NCKAP5: variants seen among roughly 807,000 people sequenced by gnomAD.
NCKAP5 encodes NCK associated protein 5.
In NCKAP5, 92 loss-of-function variants were observed where a neutral mutation model predicts 167.0. That is an observed-to-expected ratio of 0.55 (90% CI 0.47 to 0.66). The LOEUF (loss-of-function observed/expected upper bound fraction) is 0.66. Ranked by LOEUF, NCKAP5 falls within the 30% of genes least tolerant of loss-of-function variation. The pLI is 0.00. For synonymous variants in NCKAP5, 891 were observed against 877.4 expected, an observed-to-expected ratio of 1.02 and a Z score of -0.27; for missense variants, 2,378 against 2,315.0, an observed-to-expected ratio of 1.03 and a Z score of -0.56.
At position 132,782,580 on chromosome 2, in the gene NCKAP5, G is replaced by A. The variant is rs200882141; in HGVS notation, c.4231C>T (p.Arg1411Cys). ...GTTGGGGTGGGTGGGCAACTGCGGC[G>A]GTCACTGCCTGGTTCCCCAAGTACA... ...VAVLGEPGSDRRSCPPTPTDC... is the reference protein window; with the variant it reads ...VAVLGEPGSDCRSCPPTPTDC... The change falls in exon 14 of 20, where the codon CGC (arginine) becomes TGC (cysteine). Residue 1411 changes from arginine (R) to cysteine (C), a missense_variant. Physicochemically the swap from Arg to Cys is radical, Grantham distance 180 (BLOSUM62 -3). This residue lies in a region of NCKAP5 where 1,325 missense variants were observed against 1,274.5 expected (regional missense o/e 1.04). Coordinates refer to ENST00000409261, the MANE Select transcript of NCKAP5 (RefSeq NM_207363.3). 2.0e-5 allele frequency: 31 copies of A among 1,583,720 alleles called. 1 individual carries two copies. Among genetic ancestry groups the A allele is most frequent in the South Asian group, 8.3e-5 (7 of 84,696 alleles).
Position 132,979,972 on chromosome 2 carries a change from TTTTTTC to T in NCKAP5, c.429+14174_429+14179del, listed in dbSNP as rs777799671. Among the ~76,000 whole-genome samples, 512 of 151,452 alleles carry T rather than the reference TTTTTTC, an allele frequency of 3.4e-3. 2 individuals are homozygous for T. The highest frequency in any genetic ancestry group is 5.2e-3 in the Admixed American group (79 of 15,212). On this transcript the variant is annotated intron_variant, in intron 7 of 19. Coordinates refer to ENST00000409261, the MANE Select transcript of NCKAP5 (RefSeq NM_207363.3). ...CCAAGCCTTGCAGTACAATGATTTT[TTTTTTC>T]TTTTTCTTTTTCTTTTTCTTTTTTT...
At chr2:133,383,627 G>A (rs1686696520) in intron 3 of NCKAP5, among the ~76,000 whole-genome samples, 1 of 152,188 alleles carries the variant, frequency 6.6e-6, no homozygotes, top group African/African-American at 2.4e-5. Context: ...CTAGAACCCT[G>A]AGGAATTGCC....
intron 7 of NCKAP5, 86 bp from the exon 8 acceptor site, chr2:132,963,955 C>A: frequency 6.9e-7 from 1 of 1,445,332 alleles, no homozygotes; most frequent in South Asian, 1.2e-5. Flanking sequence ...GAATCATTCT[C>A]CTGCGTGTGC....
chr2:133,206,156 G>A (rs1238562962), intron 5 of NCKAP5, among the ~76,000 whole-genome samples: 2 of 152,148 alleles, frequency 1.3e-5, no homozygotes. Context: ...TCATCATTAA[G>A]TACAATGTTT....
At chr2:133,236,250 G>C (rs917070639) in intron 4 of NCKAP5, among the ~76,000 whole-genome samples, 2 of 152,000 alleles carry the variant, frequency 1.3e-5, no homozygotes, top group South Asian at 4.1e-4. Context: ...ACACCATAAG[G>C]TTATGCACTG....
chr2:132,822,008 A>G (rs1307656106), intron 11 of NCKAP5, among the ~76,000 whole-genome samples: 1 of 152,094 alleles, frequency 6.6e-6, no homozygotes, highest in Non-Finnish European at 1.5e-5. Context: ...AAAAACCAAA[A>G]TACTCTGGCC....
At chr2:132,963,573 A>G in intron 8 of NCKAP5, 147 bp downstream of exon 8, 1 of 860,144 alleles carries the variant, frequency 1.2e-6, no homozygotes, top group Non-Finnish European at 1.8e-6. Flanking sequence ...TGCTCATTGT[A>G]GACAAATCTC....
At chr2:133,244,204 A>T (rs898065884) in intron 4 of NCKAP5, among the ~76,000 whole-genome samples, 1 of 152,172 alleles carries the variant, frequency 6.6e-6, no homozygotes, top group Admixed American at 6.6e-5. Flanking sequence ...ATAAAGATGG[A>T]TATTCTTTGT....
At chr2:133,070,424 G>A (rs778511277) in intron 6 of NCKAP5, among the ~76,000 whole-genome samples, 4 of 152,106 alleles carry the variant, frequency 2.6e-5, no homozygotes, top group Admixed American at 6.6e-5. Context: ...CCCAGAAGGT[G>A]CCTGTGTGTC....
intron 5 of NCKAP5, among the ~76,000 whole-genome samples, chr2:133,149,695 C>T (rs964971529): frequency 5.3e-5 from 8 of 152,130 alleles, no homozygotes; most frequent in African/African-American, 1.9e-4. Context: ...CATTCATTAA[C>T]TATTTAGTAA....
At chr2:132,995,217 A>G (rs1052376831) in intron 6 of NCKAP5, among the ~76,000 whole-genome samples, 7 of 152,208 alleles carry the variant, frequency 4.6e-5, no homozygotes. Context: ...AGCTTACTAT[A>G]ATTTTTACTT....
intron 6 of NCKAP5, among the ~76,000 whole-genome samples, chr2:133,042,440 A>G (rs1001759012): frequency 4.6e-5 from 7 of 152,194 alleles, no homozygotes; most frequent in Admixed American, 2.0e-4. Flanking sequence ...TGTACTTCCA[A>G]AAGAAAGGTG....
At position 133,354,254 on chromosome 2, in the gene NCKAP5, C is replaced by CT. The variant is rs57923596; in HGVS notation, c.70-51145dup. 1.8e-3 allele frequency among the ~76,000 whole-genome samples: 264 copies of CT among 142,722 alleles called. 1 individual carries two copies. The highest frequency in any genetic ancestry group is 0.012 in the East Asian group (59 of 4,882). The allele number at this position is 142,722 out of a possible 152,430, so 93.6% of individuals were successfully genotyped here. Reference sequence around the variant, plus strand: ...TTCCTATCTCTGGTAGATTAGTTCTCTTTTTTTTTTTTCCTTTTTCTTTCC... The same window carrying CT: ...TTCCTATCTCTGGTAGATTAGTTCTCTTTTTTTTTTTTTCCTTTTTCTTTCC... On this transcript the variant is annotated intron_variant, in intron 3 of 19. Transcript: ENST00000409261.
At chr2:133,131,687 T>G (rs1477143604) in intron 5 of NCKAP5, among the ~76,000 whole-genome samples, 3 of 152,174 alleles carry the variant, frequency 2.0e-5, no homozygotes, top group Non-Finnish European at 4.4e-5. Flanking sequence ...AATCAAATCT[T>G]TATTCTGTCA....
At chr2:133,298,037 T>G (rs1363230969) in intron 4 of NCKAP5, among the ~76,000 whole-genome samples, 1 of 152,202 alleles carries the variant, frequency 6.6e-6, no homozygotes, top group Non-Finnish European at 1.5e-5. Context: ...CTTAAAAATT[T>G]AATCATAACC....
At chr2:132,775,720 G>T (rs973662904) in intron 15 of NCKAP5, among the ~76,000 whole-genome samples, 3 of 152,066 alleles carry the variant, frequency 2.0e-5, no homozygotes, top group African/African-American at 7.2e-5. Context: ...TGACCCAAAG[G>T]CCCCCAAACA....
chr2:133,513,446 G>T (rs138490835), intron 3 of NCKAP5, among the ~76,000 whole-genome samples: 1 of 152,328 alleles, frequency 6.6e-6, no homozygotes, highest in African/African-American at 2.4e-5. Context: ...ATGCCAAAAG[G>T]CAAGTCCATG....
intron 3 of NCKAP5, among the ~76,000 whole-genome samples, chr2:133,361,360 C>G (rs554114614): frequency 8.5e-5 from 13 of 152,278 alleles, no homozygotes; most frequent in African/African-American, 3.1e-4. Flanking sequence ...ATTCCTTAAG[C>G]AGAGCTGCAA....
chr2:132,873,795 A>T (rs1691031193), intron 9 of NCKAP5, among the ~76,000 whole-genome samples: 1 of 152,212 alleles, frequency 6.6e-6, no homozygotes, highest in Non-Finnish European at 1.5e-5. Context: ...CTCTGAAGAG[A>T]TAACTGAAGA....
Sources: allele counts gnomAD v4.1 joint callset (sites outside exome capture counted in the v4.1 genomes callset), GRCh38; gene constraint gnomAD v4.1.1; regional missense constraint gnomAD v4.1.1; transcripts MANE v1.5; gene names NCBI Gene and HGNC (gene_info 2026-07-23, HGNC 2026-07-21).